Variants in TECTB observed in about 807,000 individuals in gnomAD.
TECTB encodes the protein tectorin beta.
A neutral mutation model predicts 43.3 loss-of-function variants in TECTB; 45 were observed. The ratio of observed to expected loss-of-function variants is 1.04; its 90% CI spans 0.82 to 1.33. TECTB has a LOEUF of 1.33. TECTB is among the 40% of genes most tolerant of loss of function. The probability of loss-of-function intolerance (pLI) is 0.00; values close to 1 mark genes in which losing one functional copy is unlikely to be tolerated. For missense variants in TECTB, 399 were observed against 404.7 expected (o/e 0.99, Z 0.12); for synonymous variants, 169 against 156.7 (o/e 1.08, Z -0.59).
At chr10:112,295,982 C>A (rs927455612) in intron 7 of TECTB, among the ~76,000 whole-genome samples, 2 of 152,188 alleles carry the variant, frequency 1.3e-5, no homozygotes, top group South Asian at 2.1e-4. Flanking sequence ...GGGAAACCCA[C>A]GGAATCTGCA....
rs1344307488 is a variant in TECTB at position 112,293,734 on chromosome 10, A to G, written c.484-4A>G. On this transcript the variant is annotated splice_region_variant and splice_polypyrimidine_tract_variant and intron_variant, in intron 5 of 10. Coordinates refer to ENST00000646139, the MANE Select transcript of TECTB (RefSeq NM_058222.3). ...TAATGCCCAGTGTCAATTTCCTTCCAAAGAATGCCAAGTTCTCCATCAAGA... is the reference window on the plus strand; with the variant it reads ...TAATGCCCAGTGTCAATTTCCTTCCGAAGAATGCCAAGTTCTCCATCAAGA... 1 of 1,613,778 alleles carries G rather than the reference A, an allele frequency of 6.2e-7. No individual in the cohort carries two copies.
intron 7 of TECTB, among the ~76,000 whole-genome samples, chr10:112,295,917 G>A (rs1490572941): frequency 6.6e-6 from 1 of 152,170 alleles, no homozygotes; most frequent in African/African-American, 2.4e-5. Context: ...AACTGTGTAG[G>A]GTGCCTATTA....
chr10:112,302,906 CTTA>C (rs933110664), intron 10 of TECTB: 11 of 263,246 alleles, frequency 4.2e-5, no homozygotes, highest in African/African-American at 1.7e-4. Context: ...AGACAGTTCA[CTTA>C]TTAATAATCT....
chr10:112,303,105 A>T, intron 10 of TECTB, 158 bp from the exon 11 acceptor site: 1 of 798,696 alleles, frequency 1.3e-6, no homozygotes, highest in Non-Finnish European at 2.1e-6. Flanking sequence ...TTGTACTGAT[A>T]AATGTGAGCT....
At chr10:112,295,610 G>A (rs1848538600) in intron 7 of TECTB, among the ~76,000 whole-genome samples, 1 of 152,196 alleles carries the variant, frequency 6.6e-6, no homozygotes, top group African/African-American at 2.4e-5. Flanking sequence ...CCTCACATCT[G>A]CCATTGAATG....
intron 6 of TECTB, 33 bp from the exon 7 acceptor site, chr10:112,293,945 T>A (rs757684848): frequency 1.2e-6 from 2 of 1,612,324 alleles, no homozygotes. Context: ...AGATTCTCTG[T>A]TTCAAAGTGA....
intron 7 of TECTB, among the ~76,000 whole-genome samples, chr10:112,295,432 C>T (rs1006381302): frequency 1.3e-5 from 2 of 152,180 alleles, no homozygotes; most frequent in Non-Finnish European, 2.9e-5. Flanking sequence ...AACTGAGGCA[C>T]AGGTCCAGAA....
At chr10:112,296,197 G>T (rs1366131810) in intron 7 of TECTB, among the ~76,000 whole-genome samples, 1 of 152,174 alleles carries the variant, frequency 6.6e-6, no homozygotes, top group Admixed American at 6.5e-5. Flanking sequence ...AAAGTTCCTG[G>T]AGAGATGGCA....
At chr10:112,289,709 T>C (rs181860285) in intron 5 of TECTB, among the ~76,000 whole-genome samples, 1 of 152,340 alleles carries the variant, frequency 6.6e-6, no homozygotes, top group East Asian at 1.9e-4. Context: ...TATGATCCAG[T>C]TGCTCAGTAT....
Position 112,283,661 on chromosome 10 carries a change from C to A in TECTB, c.-74C>A. On this transcript the variant is annotated 5_prime_UTR_variant, in exon 2 of 11. Transcript: ENST00000646139. Reference sequence around the variant, plus strand: ...TTTCTGACTTAGAATGATCGAGGCTCAGGCCCTGGAAGGACCGTAAACATT... The same window carrying A: ...TTTCTGACTTAGAATGATCGAGGCTAAGGCCCTGGAAGGACCGTAAACATT... 1 of 1,388,940 alleles carries A rather than the reference C, an allele frequency of 7.2e-7. No homozygotes were observed. The highest frequency in any genetic ancestry group is 1.4e-5 in the African/African-American group (1 of 69,952). The allele number at this position is 1,388,940 out of a possible 1,614,324, so 86.0% of individuals were successfully genotyped here.
At chr10:112,289,231 G>A (rs867141225) in intron 5 of TECTB, among the ~76,000 whole-genome samples, 19 of 152,180 alleles carry the variant, frequency 1.2e-4, no homozygotes, top group African/African-American at 4.1e-4. Flanking sequence ...AGGGCTTCTA[G>A]CATTGTTAAC....
chr10:112,293,161 G>A (rs1484399737), intron 5 of TECTB, among the ~76,000 whole-genome samples: 1 of 152,162 alleles, frequency 6.6e-6, no homozygotes, highest in Non-Finnish European at 1.5e-5. Context: ...CCAGATCATT[G>A]AAGGCAGATA....
intron 7 of TECTB, among the ~76,000 whole-genome samples, chr10:112,296,086 T>C (rs1415073804): frequency 6.6e-6 from 1 of 152,050 alleles, no homozygotes; most frequent in Non-Finnish European, 1.5e-5. Flanking sequence ...TGCACAAAGT[T>C]CAGTGCCAAA....
intron 9 of TECTB, among the ~76,000 whole-genome samples, chr10:112,300,725 G>T (rs1225271332): frequency 6.6e-6 from 1 of 152,184 alleles, no homozygotes; most frequent in Non-Finnish European, 1.5e-5. Context: ...TCAGATTCCA[G>T]GTTTTCCAGT....
intron 7 of TECTB, among the ~76,000 whole-genome samples, chr10:112,297,739 G>T (rs569642292): frequency 1.3e-5 from 2 of 152,078 alleles, no homozygotes; most frequent in African/African-American, 2.4e-5. Flanking sequence ...GTCCCTCAAG[G>T]GCTGGACATA....
In TECTB at chr10:112,284,415, G is replaced by A. The variant is rs922925960; in HGVS notation, c.77-120G>A. ...TTGTCACAGCTGGTGAGGAATAGCA[G>A]GGAAGGTGTTTTTAACCAACTGCTT... On this transcript the variant is annotated intron_variant, in intron 2 of 10. Transcript: ENST00000646139. 37 of 958,190 alleles carry A rather than the reference G, an allele frequency of 3.9e-5. No individual in the cohort carries two copies. The African/African-American group carries it at 5.9e-4, about 15-fold the overall frequency. 59.4% of individuals were successfully genotyped at this position (958,190 alleles called of 1,614,324 possible).
intron 7 of TECTB, among the ~76,000 whole-genome samples, chr10:112,295,000 G>A (rs902092917): frequency 6.6e-5 from 10 of 152,140 alleles, no homozygotes; most frequent in African/African-American, 1.9e-4. Flanking sequence ...ATGGATTCTC[G>A]CTGAGTTCAC....
intron 5 of TECTB, among the ~76,000 whole-genome samples, chr10:112,292,088 A>G (rs937103337): frequency 6.6e-6 from 1 of 151,578 alleles, no homozygotes; most frequent in Admixed American, 6.6e-5. Flanking sequence ...ATGAGCCGAG[A>G]TCGCGCCACT....
At position 112,303,957 on chromosome 10, in the gene TECTB, A is replaced by G. The variant is rs1231412378; in HGVS notation, c.*645A>G. ...ATTATACCATTTGTTAAATATATAAACATGATATAGGTAGAAACTCCTTGT... is the reference window on the plus strand; with the variant it reads ...ATTATACCATTTGTTAAATATATAAGCATGATATAGGTAGAAACTCCTTGT... On this transcript the variant is annotated 3_prime_UTR_variant, in exon 11 of 11. Coordinates refer to ENST00000646139, the MANE Select transcript of TECTB (RefSeq NM_058222.3). 6.6e-6 allele frequency: 1 copy of G among 152,258 alleles called. No homozygotes were observed. The highest frequency in any genetic ancestry group is 1.9e-4 in the East Asian group (1 of 5,206). 9.4% of individuals were successfully genotyped at this position (152,258 alleles called of 1,614,324 possible). A position where few individuals can be genotyped will look rare whatever the true frequency, so the allele number is the denominator to read the frequency against.
Sources: allele counts gnomAD v4.1 joint callset (sites outside exome capture counted in the v4.1 genomes callset), GRCh38; gene constraint gnomAD v4.1.1; transcripts MANE v1.5; gene names NCBI Gene and HGNC (gene_info 2026-07-23, HGNC 2026-07-21).